The following DLGAP2 variants were observed in gnomAD, a reference collection of about 807,000 sequenced individuals.
DLGAP2 encodes DLG associated protein 2.
In DLGAP2, 26 loss-of-function variants were observed where a neutral mutation model predicts 100.3. That is an observed-to-expected ratio of 0.26 (90% CI 0.19 to 0.36). The LOEUF (loss-of-function observed/expected upper bound fraction) is 0.36, where lower values mean the gene tolerates loss of function less well. Among genes scored for constraint, DLGAP2 ranks in the 10% least tolerant of loss-of-function variants. The probability of loss-of-function intolerance (pLI) is 1.00; values close to 1 mark genes in which losing one functional copy is unlikely to be tolerated. For synonymous variants in DLGAP2, 886 were observed against 630.1 expected, an observed-to-expected ratio of 1.41 and a Z score of -6.08; for missense variants, 1,858 against 1,453.2, an observed-to-expected ratio of 1.28 and a Z score of -4.53.
chr8:1,330,494 T>G (rs1200574997), intron 3 of DLGAP2, among the ~76,000 whole-genome samples: 1 of 134,548 alleles, frequency 7.4e-6, no homozygotes, highest in Non-Finnish European at 1.6e-5. Context: ...GAGTTTTGGG[T>G]GGGAGCACCG....
intron 2 of DLGAP2, among the ~76,000 whole-genome samples, chr8:1,126,483 G>A (rs1273290654): frequency 6.6e-6 from 1 of 151,988 alleles, no homozygotes; most frequent in Admixed American, 6.5e-5. Flanking sequence ...GGCAAGGCAG[G>A]TGAGGGGCTG....
intron 3 of DLGAP2, among the ~76,000 whole-genome samples, chr8:1,486,905 C>T (rs1049935301): frequency 4.6e-5 from 7 of 152,170 alleles, no homozygotes; most frequent in Admixed American, 6.5e-5. Context: ...TTTGTCTCCA[C>T]GTTCCCAATA....
intron 2 of DLGAP2, among the ~76,000 whole-genome samples, chr8:1,186,424 C>G (rs973526257): frequency 6.6e-6 from 1 of 152,216 alleles, no homozygotes; most frequent in African/African-American, 2.4e-5. Context: ...CCCAGGCCTC[C>G]TCTCCAGCCC....
chr8:1,618,559 G>A (rs188942778), intron 6 of DLGAP2, among the ~76,000 whole-genome samples: 32 of 152,342 alleles, frequency 2.1e-4, no homozygotes, highest in African/African-American at 6.7e-4. Flanking sequence ...ATTCTAAAAT[G>A]TGTGAAAATG....
intron 2 of DLGAP2, among the ~76,000 whole-genome samples, chr8:1,033,843 G>A (rs1345904137): frequency 2.3e-5 from 3 of 129,210 alleles, no homozygotes; most frequent in East Asian, 2.4e-4. Flanking sequence ...TCCCGGCCCC[G>A]CGTGTCACCG....
chr8:738,693 C>CTGGGA lies in DLGAP2; in HGVS notation c.18+872_18+873insATGGG, dbSNP rs1363146912. 5 of 152,530 alleles carry CTGGGA rather than the reference C, an allele frequency of 3.3e-5. No homozygotes were observed. The Admixed American group carries it at 3.3e-4, about 10-fold the overall frequency. The allele number at this position is 152,530 out of a possible 1,614,324, so 9.4% of individuals were successfully genotyped here. ...CCAGGTGGGGCTGGGCTGGGCTGGG[C>CTGGGA]TGGGCTGGGCTGGACTGGACGCCTC... On this transcript the variant is annotated intron_variant, in intron 1 of 14. Coordinates refer to ENST00000637795, the MANE Select transcript of DLGAP2 (RefSeq NM_001346810.2).
intron 4 of DLGAP2, among the ~76,000 whole-genome samples, chr8:1,503,052 A>T (rs1470308338): frequency 6.6e-6 from 1 of 152,198 alleles, no homozygotes; most frequent in East Asian, 1.9e-4. Context: ...TTCTGCAGCC[A>T]CACAAGTGAG....
At chr8:1,289,207 A>T (rs1800004763) in intron 3 of DLGAP2, among the ~76,000 whole-genome samples, 1 of 152,204 alleles carries the variant, frequency 6.6e-6, no homozygotes, top group African/African-American at 2.4e-5. Context: ...GGAGTGAAGG[A>T]TTCATCAAAA....
At chr8:821,416 A>G (rs1303373016) in intron 1 of DLGAP2, among the ~76,000 whole-genome samples, 1 of 152,250 alleles carries the variant, frequency 6.6e-6, no homozygotes, top group Non-Finnish European at 1.5e-5. Context: ...GTCTCCTTAA[A>G]AAAACACAAG....
chr8:1,105,617 G>GGT (rs1440471843), intron 2 of DLGAP2, among the ~76,000 whole-genome samples: 34 of 50,704 alleles, frequency 6.7e-4, no homozygotes, highest in African/African-American at 2.0e-3. Context: ...GCCATTCTAG[G>GGT]GTTTTTTTTT....
chr8:1,141,645 A>C (rs535627152), intron 2 of DLGAP2, among the ~76,000 whole-genome samples: 1 of 152,218 alleles, frequency 6.6e-6, no homozygotes, highest in African/African-American at 2.4e-5. Flanking sequence ...AAGTATTAGC[A>C]AAAATTTGGA....
chr8:1,667,915 G>A (rs1254043703), intron 8 of DLGAP2, among the ~76,000 whole-genome samples: 1 of 151,842 alleles, frequency 6.6e-6, no homozygotes, highest in East Asian at 1.9e-4. Context: ...GCGCTGTCCT[G>A]CGGGGACACA....
chr8:1,045,186 C>T (rs1292705449), intron 2 of DLGAP2, among the ~76,000 whole-genome samples: 1 of 152,206 alleles, frequency 6.6e-6, no homozygotes, highest in East Asian at 1.9e-4. Context: ...GGCTGTTTGG[C>T]TTTTGGCAAT....
chr8:1,426,821 A>C (rs978644097), intron 3 of DLGAP2, among the ~76,000 whole-genome samples: 1 of 152,246 alleles, frequency 6.6e-6, no homozygotes, highest in Admixed American at 6.5e-5. Context: ...TAGTCGTAAA[A>C]AAAAATTAGT....
Position 1,426,368 on chromosome 8 carries a change from C to T in DLGAP2, c.107-74998C>T, listed in dbSNP as rs116335721. On this transcript the variant is annotated intron_variant, in intron 3 of 14. Coordinates refer to ENST00000637795, the MANE Select transcript of DLGAP2 (RefSeq NM_001346810.2). ...CTGGAGGGAAATGCTGAGTTGCCCA[C>T]GAGAACATGGCCAAGGAATACAAAC... Among the ~76,000 whole-genome samples, 423 of 152,190 alleles carry T rather than the reference C, an allele frequency of 2.8e-3. 3 individuals carry two copies. Among genetic ancestry groups the T allele is most frequent in the African/African-American group, 9.2e-3 (384 of 41,518 alleles).
intron 1 of DLGAP2, among the ~76,000 whole-genome samples, chr8:810,224 C>T (rs1796347056): frequency 1.3e-5 from 2 of 152,334 alleles, no homozygotes; most frequent in South Asian, 4.1e-4. Flanking sequence ...TGCAGCTTTC[C>T]TCCGTCTTTT....
chr8:972,787 C>T (rs1006828707), intron 2 of DLGAP2, among the ~76,000 whole-genome samples: 1 of 152,122 alleles, frequency 6.6e-6, no homozygotes, highest in Admixed American at 6.5e-5. Context: ...TGTTTGTGTC[C>T]CTGGGTACTT....
At chr8:1,187,619 C>G (rs1439580467) in intron 2 of DLGAP2, among the ~76,000 whole-genome samples, 1 of 138,082 alleles carries the variant, frequency 7.2e-6, no homozygotes, top group Non-Finnish European at 1.6e-5. Context: ...TCTCACACAC[C>G]CAGGACCTCC....
chr8:1,196,190 T>C (rs527306304), intron 2 of DLGAP2, among the ~76,000 whole-genome samples: 2 of 152,382 alleles, frequency 1.3e-5, no homozygotes, highest in African/African-American at 2.4e-5. Flanking sequence ...TTTCATGTTA[T>C]GTGTTTTGTT....
Sources: gnomAD v4.1 joint callset for allele counts (sites outside exome capture counted in the v4.1 genomes callset) on GRCh38, gnomAD v4.1.1 for gene constraint, MANE v1.5 for transcripts, NCBI Gene and HGNC (gene_info 2026-07-23, HGNC 2026-07-21) for gene names.